Variants in PLCB4 observed in about 807,000 individuals in gnomAD.
The protein encoded by PLCB4 is phospholipase C beta 4, also known as 1-phosphatidylinositol 4,5-bisphosphate phosphodiesterase beta-4.
PLCB4 carries 77 observed loss-of-function variants against 178.8 expected under a neutral mutation model. The observed-to-expected ratio is 0.43, with a 90% confidence interval of 0.36 to 0.52. The LOEUF (loss-of-function observed/expected upper bound fraction) is 0.52. Ranked by LOEUF, PLCB4 falls within the 20% of genes least tolerant of loss-of-function variation. The pLI, the probability that PLCB4 is intolerant of heterozygous loss-of-function variation, is 0.00. For synonymous variants in PLCB4, 496 were observed against 490.8 expected (o/e 1.01, Z -0.14); for missense variants, 1,024 against 1,453.4 (o/e 0.70, Z 4.80).
At chr20:9,136,108 T>G (rs536120350) in intron 2 of PLCB4, among the ~76,000 whole-genome samples, 210 of 152,298 alleles carry the variant, frequency 1.4e-3, no homozygotes, top group Non-Finnish European at 2.7e-3. Flanking sequence ...GCAGCATTTC[T>G]TATACACATA....
intron 3 of PLCB4, among the ~76,000 whole-genome samples, chr20:9,303,003 GTT>G (rs1293644303): frequency 1.3e-5 from 2 of 152,076 alleles, no homozygotes; most frequent in African/African-American, 4.8e-5. Context: ...GAAAAGAGAT[GTT>G]TTGCCCACCA....
chr20:9,074,807 T>TAAACA lies in PLCB4; in HGVS notation c.-135+5642_-135+5646dup, dbSNP rs138068127. 8.8e-3 allele frequency among the ~76,000 whole-genome samples: 1,084 copies of TAAACA among 123,406 alleles called. 19 individuals carry two copies. The highest frequency in any genetic ancestry group is 0.02 in the Middle Eastern group (5 of 248). 81.0% of individuals were successfully genotyped at this position (123,406 alleles called of 152,430 possible). A position where few individuals can be genotyped will look rare whatever the true frequency, so the allele number is the denominator to read the frequency against. On this transcript the variant is annotated intron_variant, in intron 1 of 39. Coordinates refer to ENST00000378473, the MANE Select transcript of PLCB4 (RefSeq NM_001377142.1). ...CCAGCTAGGCTTTTTTTTTTTTTTT[T>TAAACA]AAACAAAACAAAACAAAACAAAACA...
chr20:9,163,804 T>C (rs1350452267), intron 2 of PLCB4, among the ~76,000 whole-genome samples: 1 of 152,130 alleles, frequency 6.6e-6, no homozygotes. Flanking sequence ...TACCGTAATT[T>C]GCCTCCATTT....
intron 21 of PLCB4, among the ~76,000 whole-genome samples, chr20:9,405,550 C>A (rs1438344522): frequency 6.6e-6 from 1 of 152,124 alleles, no homozygotes; most frequent in Admixed American, 6.5e-5. Context: ...AGATTTCATT[C>A]CTGCAGTGGA....
At chr20:9,399,648 G>A (rs2038880614) in intron 19 of PLCB4, among the ~76,000 whole-genome samples, 2 of 152,240 alleles carry the variant, frequency 1.3e-5, no homozygotes, top group South Asian at 4.1e-4. Flanking sequence ...TGTGGTTATA[G>A]GTGTGTCTGT....
At chr20:9,187,098 C>G (rs538057683) in intron 2 of PLCB4, among the ~76,000 whole-genome samples, 1 of 152,132 alleles carries the variant, frequency 6.6e-6, no homozygotes, top group South Asian at 2.1e-4. Context: ...CCTCAGCCTC[C>G]CTGAGGGATT....
At chr20:9,411,328 A>C (rs1384523702) in intron 25 of PLCB4, among the ~76,000 whole-genome samples, 4 of 152,232 alleles carry the variant, frequency 2.6e-5, no homozygotes, top group Non-Finnish European at 1.5e-5. Flanking sequence ...CATATGCTAC[A>C]GTTTAATCCT....
At chr20:9,219,345 T>C (rs1014414765) in intron 3 of PLCB4, among the ~76,000 whole-genome samples, 1 of 152,000 alleles carries the variant, frequency 6.6e-6, no homozygotes, top group African/African-American at 2.4e-5. Flanking sequence ...GGTGGGCGCC[T>C]GTAGTCCCAG....
intron 3 of PLCB4, among the ~76,000 whole-genome samples, chr20:9,275,806 C>CTCA (rs1410995600): frequency 1.3e-5 from 2 of 152,050 alleles, no homozygotes; most frequent in Non-Finnish European, 2.9e-5. Context: ...CATGCATTAT[C>CTCA]TCATGACCTT....
chr20:9,337,049 A>G (rs966242622), intron 4 of PLCB4, 77 bp from the exon 5 acceptor site: 12 of 884,814 alleles, frequency 1.4e-5, no homozygotes, highest in Non-Finnish European at 2.3e-5. Flanking sequence ...ATTTGTTTAG[A>G]AGCTCAGCAA....
chr20:9,232,588 TG>T (rs1436319208), intron 3 of PLCB4, among the ~76,000 whole-genome samples: 1 of 152,156 alleles, frequency 6.6e-6, no homozygotes, highest in Non-Finnish European at 1.5e-5. Context: ...AACAGAAGTA[TG>T]GAAACTTCAC....
At chr20:9,231,620 G>A (rs2093933713) in intron 3 of PLCB4, among the ~76,000 whole-genome samples, 2 of 152,096 alleles carry the variant, frequency 1.3e-5, no homozygotes, top group African/African-American at 4.8e-5. Flanking sequence ...GAACATATTA[G>A]CATTTTATAG....
intron 2 of PLCB4, among the ~76,000 whole-genome samples, chr20:9,154,379 A>G (rs1488998982): frequency 6.6e-6 from 1 of 152,222 alleles, no homozygotes; most frequent in Non-Finnish European, 1.5e-5. Flanking sequence ...GAGAATGACT[A>G]TTGAGTTATA....
chr20:9,350,338 A>G (rs761921173), intron 7 of PLCB4, among the ~76,000 whole-genome samples: 4 of 152,156 alleles, frequency 2.6e-5, no homozygotes, highest in Non-Finnish European at 2.9e-5. Flanking sequence ...AGTGCTTGAT[A>G]TGTATTATCT....
chr20:9,292,865 G>A (rs545349261), intron 3 of PLCB4, among the ~76,000 whole-genome samples: 1 of 152,268 alleles, frequency 6.6e-6, no homozygotes, highest in South Asian at 2.1e-4. Flanking sequence ...GATCACCTGA[G>A]GTCAGGAGTT....
intron 3 of PLCB4, among the ~76,000 whole-genome samples, chr20:9,273,708 G>GTGTGTGTGTGTGTT (rs2094426651): frequency 6.6e-6 from 1 of 151,756 alleles, no homozygotes; most frequent in Admixed American, 6.6e-5. Flanking sequence ...GTGTGTGTGT[G>GTGTGTGTGTGTGTT]TGTGTGTGTG....
In PLCB4 at chr20:9,277,947, C is replaced by T. The variant is rs369395216; in HGVS notation, c.-15-29853C>T. 1.3e-3 allele frequency among the ~76,000 whole-genome samples: 204 copies of T among 152,086 alleles called. 1 individual carries two copies. The highest frequency in any genetic ancestry group is 4.6e-3 in the African/African-American group (193 of 41,542). ...AATAAACAAATTAGGAACAGTACCT[C>T]GGTTTTAGTATAAGACCAAGTGCAG... On this transcript the variant is annotated intron_variant, in intron 3 of 39. Coordinates refer to ENST00000378473, the MANE Select transcript of PLCB4 (RefSeq NM_001377142.1).
intron 35 of PLCB4, among the ~76,000 whole-genome samples, chr20:9,464,244 A>G (rs990502322): frequency 6.6e-6 from 1 of 152,238 alleles, no homozygotes; most frequent in African/African-American, 2.4e-5. Flanking sequence ...GAACAAAGAC[A>G]CAACATACCA....
chr20:9,299,948 G>A (rs1233595801), intron 3 of PLCB4, among the ~76,000 whole-genome samples: 1 of 151,960 alleles, frequency 6.6e-6, no homozygotes, highest in African/African-American at 2.4e-5. Context: ...CTCTTTGTAT[G>A]TTTTTTGAAA....
Sources: gnomAD v4.1 joint callset for allele counts (sites outside exome capture counted in the v4.1 genomes callset) on GRCh38, gnomAD v4.1.1 for gene constraint, MANE v1.5 for transcripts, NCBI Gene and HGNC (gene_info 2026-07-23, HGNC 2026-07-21) for gene names.